Variants in SCG5 observed in about 807,000 individuals in gnomAD.
SCG5 encodes the protein neuroendocrine protein 7B2.
In SCG5, 18 loss-of-function variants were observed where a neutral mutation model predicts 25.7. That is an observed-to-expected ratio of 0.70 (90% CI 0.48 to 1.04). The LOEUF (loss-of-function observed/expected upper bound fraction) is 1.04, where lower values mean the gene tolerates loss of function less well. Ranked by LOEUF, SCG5 falls within the 50% of genes least tolerant of loss-of-function variation. The probability of loss-of-function intolerance (pLI) is 0.00; values close to 1 mark genes in which losing one functional copy is unlikely to be tolerated. For synonymous variants in SCG5, 101 were observed against 91.7 expected (o/e 1.10, Z -0.58); for missense variants, 206 against 259.8 (o/e 0.79, Z 1.42).
At chr15:32,686,698 G>A (rs1420162036) in intron 4 of SCG5, among the ~76,000 whole-genome samples, 2 of 152,144 alleles carry the variant, frequency 1.3e-5, no homozygotes, top group Admixed American at 6.6e-5. Context: ...AGCCAGGTTC[G>A]ATAAGGCACA....
intron 4 of SCG5, 85 bp downstream of exon 4, chr15:32,684,754 G>A (rs761002150): frequency 2.5e-6 from 2 of 790,682 alleles, no homozygotes; most frequent in South Asian, 1.7e-5. Flanking sequence ...ATGGGCAGAA[G>A]GAGAGAAGAA....
At chr15:32,653,914 A>G (rs565246643) in intron 2 of SCG5, among the ~76,000 whole-genome samples, 1 of 152,360 alleles carries the variant, frequency 6.6e-6, no homozygotes, top group South Asian at 2.1e-4. Flanking sequence ...AAATTAACAC[A>G]GCTGTCATCA....
At chr15:32,681,270 T>C (rs2054615642) in intron 3 of SCG5, among the ~76,000 whole-genome samples, 1 of 152,102 alleles carries the variant, frequency 6.6e-6, no homozygotes, top group African/African-American at 2.4e-5. Context: ...ACTGCAATAC[T>C]TTTGCACCAA....
At chr15:32,679,537 CT>C (rs2054580519) in intron 2 of SCG5, among the ~76,000 whole-genome samples, 1 of 152,156 alleles carries the variant, frequency 6.6e-6, no homozygotes, top group African/African-American at 2.4e-5. Flanking sequence ...ATTAACATTT[CT>C]TTTACAGGAT....
chr15:32,679,251 G>C (rs892463078), intron 2 of SCG5, among the ~76,000 whole-genome samples: 5 of 150,816 alleles, frequency 3.3e-5, no homozygotes, highest in African/African-American at 1.2e-4. Context: ...CTGGAGTGCA[G>C]TGGCATGATC....
chr15:32,692,006 C>A, intron 5 of SCG5: 5 of 1,374,074 alleles, frequency 3.6e-6, no homozygotes, highest in Non-Finnish European at 4.7e-6. Flanking sequence ...ATTCTAGCAA[C>A]TCCATTCCGT....
At chr15:32,651,529 A>G (rs1006499710) in intron 2 of SCG5, among the ~76,000 whole-genome samples, 2 of 152,360 alleles carry the variant, frequency 1.3e-5, no homozygotes, top group African/African-American at 4.8e-5. Context: ...TGGAGAAAGC[A>G]GTGCAGCTGA....
intron 2 of SCG5, among the ~76,000 whole-genome samples, chr15:32,648,325 A>G (rs2053977646): frequency 6.6e-6 from 1 of 152,146 alleles, no homozygotes; most frequent in African/African-American, 2.4e-5. Flanking sequence ...CATGTCTGGC[A>G]TGGAGTTTTG....
chr15:32,690,567 G>T (rs1340319468), intron 4 of SCG5, among the ~76,000 whole-genome samples: 1 of 152,214 alleles, frequency 6.6e-6, no homozygotes, highest in Non-Finnish European at 1.5e-5. Context: ...GTTTTTGGTA[G>T]TAGAGGCTCC....
chr15:32,677,861 G>T (rs1319570958), intron 2 of SCG5: 1 of 152,136 alleles, frequency 6.6e-6, no homozygotes, highest in Non-Finnish European at 1.5e-5. Context: ...AACATACATT[G>T]GTATGTTAAC....
At chr15:32,648,405 C>T (rs146329827) in intron 2 of SCG5, among the ~76,000 whole-genome samples, 1 of 152,098 alleles carries the variant, frequency 6.6e-6, no homozygotes, top group Non-Finnish European at 1.5e-5. Flanking sequence ...ACAGGAAGAA[C>T]AGGAGTTAAA....
At chr15:32,657,724 A>G (rs1444030427) in intron 2 of SCG5, among the ~76,000 whole-genome samples, 1 of 152,182 alleles carries the variant, frequency 6.6e-6, no homozygotes, top group Non-Finnish European at 1.5e-5. Context: ...TCCTTGAACC[A>G]AATAGCCTAT....
intron 2 of SCG5, among the ~76,000 whole-genome samples, chr15:32,658,063 A>T (rs2054154596): frequency 6.6e-6 from 1 of 152,180 alleles, no homozygotes; most frequent in Non-Finnish European, 1.5e-5. Flanking sequence ...AACCAAACAC[A>T]ACAAAGATTA....
At chr15:32,691,519 A>G (rs1163880693) in intron 4 of SCG5, among the ~76,000 whole-genome samples, 191 bp from the exon 5 acceptor site, 1 of 152,200 alleles carries the variant, frequency 6.6e-6, no homozygotes. Flanking sequence ...ACTTTATTAA[A>G]AGCCGAACCA....
In SCG5 at chr15:32,680,969, A is replaced by T. The variant is rs151238854; in HGVS notation, c.376+1054A>T. 2.0e-3 allele frequency among the ~76,000 whole-genome samples: 308 copies of T among 152,318 alleles called. 1 individual carries two copies. The highest frequency in any genetic ancestry group is 6.8e-3 in the African/African-American group (282 of 41,560). On this transcript the variant is annotated intron_variant, in intron 3 of 5. Coordinates refer to ENST00000300175, the MANE Select transcript of SCG5 (RefSeq NM_001144757.3). ...TAAACAAGTTAATTAACCACTTCGT[A>T]CCTCAATTTCCTTATTTGCAAAATG...
At chr15:32,643,358 A>G (rs1038738933) in intron 1 of SCG5, among the ~76,000 whole-genome samples, 2 of 152,204 alleles carry the variant, frequency 1.3e-5, no homozygotes, top group African/African-American at 4.8e-5. Context: ...TCAAGAATGC[A>G]AACAGAGGGA....
At chr15:32,644,145 T>A (rs2053908789) in intron 2 of SCG5, among the ~76,000 whole-genome samples, 3 of 152,224 alleles carry the variant, frequency 2.0e-5, no homozygotes, top group Admixed American at 2.0e-4. Flanking sequence ...GTTGAATGAA[T>A]GAAGGAGCAT....
intron 2 of SCG5, among the ~76,000 whole-genome samples, chr15:32,650,390 C>T (rs915447895): frequency 2.0e-5 from 3 of 152,216 alleles, no homozygotes; most frequent in African/African-American, 7.2e-5. Flanking sequence ...CGTGAGCCAC[C>T]ACGCCCGGCG....
intron 2 of SCG5, among the ~76,000 whole-genome samples, chr15:32,660,752 T>C (rs2054202405): frequency 6.6e-6 from 1 of 152,248 alleles, no homozygotes; most frequent in Non-Finnish European, 1.5e-5. Context: ...GCTTTTCACC[T>C]CGATTACCCC....
Sources: allele counts gnomAD v4.1 joint callset (sites outside exome capture counted in the v4.1 genomes callset), GRCh38; gene constraint gnomAD v4.1.1; transcripts MANE v1.5; gene names NCBI Gene and HGNC (gene_info 2026-07-23, HGNC 2026-07-21).